The following STOX2 variants were observed in gnomAD, a reference collection of about 807,000 sequenced individuals.
The protein encoded by STOX2 is storkhead box 2.
STOX2 carries 28 observed loss-of-function variants against 60.9 expected under a neutral mutation model. The ratio of observed to expected loss-of-function variants is 0.46; its 90% CI spans 0.34 to 0.63. The LOEUF (loss-of-function observed/expected upper bound fraction) is 0.63, where lower values mean the gene tolerates loss of function less well. Among genes scored for constraint, STOX2 ranks in the 30% least tolerant of loss-of-function variants. The pLI, the probability that STOX2 is intolerant of heterozygous loss-of-function variation, is 0.01. For missense variants in STOX2, 1,024 were observed against 1,187.7 expected (o/e 0.86, Z 2.03); for synonymous variants, 472 against 463.9 (o/e 1.02, Z -0.22).
intron 1 of STOX2, among the ~76,000 whole-genome samples, chr4:183,841,572 T>G (rs1739863668): frequency 6.6e-6 from 1 of 152,194 alleles, no homozygotes; most frequent in South Asian, 2.1e-4. Flanking sequence ...CCATCTCTTG[T>G]GCTCAGCCTG....
intron 1 of STOX2, among the ~76,000 whole-genome samples, chr4:183,959,982 A>C (rs1419863892): frequency 6.6e-6 from 1 of 152,238 alleles, no homozygotes; most frequent in African/African-American, 2.4e-5. Context: ...AAAAGAAAAA[A>C]GGAACCTGCA....
intron 1 of STOX2, among the ~76,000 whole-genome samples, chr4:183,913,458 A>C (rs1321883465): frequency 6.6e-6 from 1 of 152,064 alleles, no homozygotes; most frequent in Non-Finnish European, 1.5e-5. Context: ...GTGATCAAGC[A>C]GTAAGACGAC....
chr4:183,858,460 G>T (rs1030779435), intron 1 of STOX2, among the ~76,000 whole-genome samples: 1 of 152,196 alleles, frequency 6.6e-6, no homozygotes, highest in African/African-American at 2.4e-5. Flanking sequence ...TCTGCCCACG[G>T]CCGGAGCCTC....
At chr4:183,807,460 A>C (rs1738930454) in intron 1 of STOX2, among the ~76,000 whole-genome samples, 1 of 142,902 alleles carries the variant, frequency 7.0e-6, no homozygotes, top group Non-Finnish European at 1.5e-5. Flanking sequence ...TGTCAGCCTA[A>C]GGCGCCAGTG....
At chr4:183,897,287 G>T (rs1298475126) in intron 1 of STOX2, among the ~76,000 whole-genome samples, 1 of 152,208 alleles carries the variant, frequency 6.6e-6, no homozygotes. Flanking sequence ...GGGTTTCAGA[G>T]AAACATTAGG....
intron 1 of STOX2, among the ~76,000 whole-genome samples, chr4:183,911,530 T>C (rs554622450): frequency 6.6e-6 from 1 of 152,324 alleles, no homozygotes; most frequent in African/African-American, 2.4e-5. Flanking sequence ...TATTCTTTAT[T>C]TCCCAGGAGA....
chr4:183,896,551 A>G (rs912919391), intron 1 of STOX2, among the ~76,000 whole-genome samples: 4 of 152,214 alleles, frequency 2.6e-5, no homozygotes, highest in Admixed American at 6.5e-5. Context: ...TATGTTGCCC[A>G]GGCTGTTCTC....
rs531981160 is a variant in STOX2 at position 183,908,608 on chromosome 4, T to C, written c.166+1652T>C. Among the ~76,000 whole-genome samples the C allele has an allele frequency of 3.7e-4, 56 of 152,012 alleles. 1 individual carries two copies. In the South Asian group the frequency reaches 0.011, roughly 31 times the overall value. ...AGGCAGCCAGTTTTTTTTTTTTTTT[T>C]TTTTAATCTATCTTGGCATTACCTC... On this transcript the variant is annotated intron_variant, in intron 1 of 3. Coordinates refer to ENST00000308497, the MANE Select transcript of STOX2 (RefSeq NM_020225.3).
At chr4:183,895,026 C>T (rs951132389) in intron 1 of STOX2, among the ~76,000 whole-genome samples, 1 of 152,114 alleles carries the variant, frequency 6.6e-6, no homozygotes, top group Admixed American at 6.5e-5. Flanking sequence ...TAAGAAAACA[C>T]TAAATCCAGT....
rs144517731 is a variant in STOX2 at position 183,858,051 on chromosome 4, C to T, written c.364+59996C>T. On this transcript the variant is annotated intron_variant, in intron 1 of 2. Coordinates refer to the STOX2 transcript ENST00000513034. ...GCCTCCTGGAGTCCACAGTGAGGAG[C>T]GGGTAGTAAATAGGCCTCCCCAGCA... 4.3e-3 allele frequency among the ~76,000 whole-genome samples: 653 copies of T among 152,246 alleles called. 7 individuals carry two copies. Among genetic ancestry groups the T allele is most frequent in the Middle Eastern group, 0.034 (10 of 294 alleles).
intron 1 of STOX2, among the ~76,000 whole-genome samples, chr4:183,831,183 G>A (rs1282236891): frequency 1.3e-5 from 2 of 152,100 alleles, no homozygotes; most frequent in African/African-American, 2.4e-5. Context: ...ATTGCTAAAG[G>A]TCTACAGGAG....
chr4:183,821,563 T>A lies in STOX2; in HGVS notation c.364+23508T>A, dbSNP rs1739303517. On this transcript the variant is annotated intron_variant, in intron 1 of 2. Transcript: ENST00000513034. This position sits in a 1 kb window ranked among gnomAD's most constrained non-coding sequence, Gnocchi z 4.2. ...GCTCACAGCTCCCCATCTTGCTGTG[T>A]CCTTTGTTCTGATGTCACTGGGGTT... 6.6e-6 allele frequency among the ~76,000 whole-genome samples: 1 copy of A among 152,252 alleles called. No homozygotes were observed. The highest frequency in any genetic ancestry group is 1.5e-5 in the Non-Finnish European group (1 of 68,038).
At chr4:183,929,788 A>T (rs1579429879) in intron 1 of STOX2, among the ~76,000 whole-genome samples, 1 of 152,324 alleles carries the variant, frequency 6.6e-6, no homozygotes, top group East Asian at 1.9e-4. Context: ...TGTTTTGTTG[A>T]TGTTATGTTC....
At chr4:183,857,364 T>C (rs1173863953) in intron 1 of STOX2, among the ~76,000 whole-genome samples, 1 of 151,624 alleles carries the variant, frequency 6.6e-6, no homozygotes, top group East Asian at 1.9e-4. Context: ...GGACTGGTCA[T>C]CCCGCAGGAC....
Position 183,946,627 on chromosome 4 carries a change from GTT to G in STOX2, c.166+39686_166+39687del, listed in dbSNP as rs66484161. 1.4e-3 allele frequency among the ~76,000 whole-genome samples: 187 copies of G among 131,386 alleles called. 1 individual carries two copies. The highest frequency in any genetic ancestry group is 3.6e-3 in the East Asian group (16 of 4,494). 86.2% of individuals were successfully genotyped at this position (131,386 alleles called of 152,430 possible). A position where few individuals can be genotyped will look rare whatever the true frequency, so the allele number is the denominator to read the frequency against. On this transcript the variant is annotated intron_variant, in intron 1 of 3. Transcript: ENST00000308497. ...CGTAACAACTATTTACATAGTTGTG[GTT>G]TTTTTTTTTTTTTTGTGATGGAGTC...
chr4:183,933,665 AG>A (rs1213600561), intron 1 of STOX2, among the ~76,000 whole-genome samples: 2 of 152,234 alleles, frequency 1.3e-5, no homozygotes, highest in Non-Finnish European at 2.9e-5. Flanking sequence ...CTAGGATTAC[AG>A]GTGTGAGCCA....
intron 1 of STOX2, among the ~76,000 whole-genome samples, chr4:183,950,829 C>T (rs1002286108): frequency 8.5e-5 from 13 of 152,144 alleles, no homozygotes; most frequent in Admixed American, 5.2e-4. Context: ...TAGGAGGGAG[C>T]AGCTGCCAAG....
chr4:183,899,125 C>T (rs1016214069), intron 1 of STOX2, among the ~76,000 whole-genome samples: 1 of 152,142 alleles, frequency 6.6e-6, no homozygotes, highest in Middle Eastern at 3.2e-3. Context: ...TTTTGGGGCT[C>T]CACGAAGTGT....
intron 1 of STOX2, among the ~76,000 whole-genome samples, chr4:183,978,273 G>A (rs769759893): frequency 7.2e-5 from 11 of 152,118 alleles, no homozygotes; most frequent in Admixed American, 2.6e-4. Flanking sequence ...TTTAATTTTT[G>A]TATATGGAGT....
Sources: gnomAD v4.1 joint callset for allele counts (sites outside exome capture counted in the v4.1 genomes callset) on GRCh38, gnomAD v4.1.1 for gene constraint, Gnocchi (gnomAD v3.1) non-coding constraint, MANE v1.5 for transcripts, NCBI Gene and HGNC (gene_info 2026-07-23, HGNC 2026-07-21) for gene names.